COL5A2: variants seen among roughly 807,000 people sequenced by gnomAD.
The protein encoded by COL5A2 is collagen type V alpha 2 chain.
In COL5A2, 23 loss-of-function variants were observed where a neutral mutation model predicts 208.2. The observed-to-expected ratio is 0.11, with a 90% CI of 0.08 to 0.16. The LOEUF is 0.16. COL5A2 is among the 10% of genes least tolerant of loss of function. COL5A2 has a pLI of 1.00. For synonymous variants in COL5A2, 625 were observed against 628.5 expected, an observed-to-expected ratio of 0.99 and a Z score of 0.08; for missense variants, 1,590 against 1,956.4, an observed-to-expected ratio of 0.81 and a Z score of 3.53.
the COL5A2 span, among the ~76,000 whole-genome samples, chr2:189,422,105 T>C: frequency 1.3e-5 from 2 of 152,056 alleles, no homozygotes; most frequent in African/African-American, 2.4e-5. Flanking sequence ...GCAGGCATTA[T>C]CACATAGCCA....
the COL5A2 span, among the ~76,000 whole-genome samples, chr2:189,296,224 G>GA: frequency 6.6e-6 from 1 of 151,968 alleles, no homozygotes; most frequent in South Asian, 2.1e-4. Context: ...AAGGCCATCT[G>GA]AAAAAAATTT....
At chr2:189,421,664 A>G in the COL5A2 span, among the ~76,000 whole-genome samples, 1 of 152,184 alleles carries the variant, frequency 6.6e-6, no homozygotes, top group South Asian at 2.1e-4. Flanking sequence ...ACCTAGCCTC[A>G]ATGACTGCCC....
intron 1 of COL5A2, among the ~76,000 whole-genome samples, chr2:189,136,520 A>ATT (rs1687829556): frequency 6.7e-6 from 1 of 149,396 alleles, no homozygotes; most frequent in South Asian, 2.1e-4. Context: ...TTATAAATAT[A>ATT]TATGTATATA....
chr2:189,209,533 G>C (rs147109801), intron 1 of COL5A2, among the ~76,000 whole-genome samples: 1 of 152,072 alleles, frequency 6.6e-6, no homozygotes, highest in South Asian at 2.1e-4. Flanking sequence ...TTCAAGTAAT[G>C]AGCCCCAGGT....
At chr2:189,327,509 A>G in the COL5A2 span, among the ~76,000 whole-genome samples, 1 of 152,194 alleles carries the variant, frequency 6.6e-6, no homozygotes, top group East Asian at 1.9e-4. Context: ...TAACTGAAGA[A>G]GAATTAGAAG....
chr2:189,140,044 G>A (rs1480049903), intron 1 of COL5A2, among the ~76,000 whole-genome samples: 1 of 151,924 alleles, frequency 6.6e-6, no homozygotes, highest in Non-Finnish European at 1.5e-5. Context: ...CTGCACTCCA[G>A]TCTGGGCGAC....
At chr2:189,214,168 C>CA (rs1689250906) in intron 1 of COL5A2, among the ~76,000 whole-genome samples, 1 of 152,008 alleles carries the variant, frequency 6.6e-6, no homozygotes, top group Non-Finnish European at 1.5e-5. Context: ...AGCTTATATT[C>CA]ATCTATTCAG....
chr2:189,108,423 T>C (rs1687194490), intron 2 of COL5A2, among the ~76,000 whole-genome samples: 1 of 151,932 alleles, frequency 6.6e-6, no homozygotes. Flanking sequence ...AATATGTATA[T>C]ATTGCTCCAC....
intron 1 of COL5A2, among the ~76,000 whole-genome samples, chr2:189,119,990 T>C (rs1300599092): frequency 6.6e-6 from 1 of 152,134 alleles, no homozygotes; most frequent in Non-Finnish European, 1.5e-5. Context: ...AAAGATGTCA[T>C]AAAGAAGTTT....
the COL5A2 span, among the ~76,000 whole-genome samples, chr2:189,407,300 T>C: frequency 7.9e-5 from 12 of 152,134 alleles, no homozygotes; most frequent in Non-Finnish European, 1.5e-4. Flanking sequence ...TTAAAATCCC[T>C]TGCCTTGAGC....
chr2:189,130,238 T>C (rs1201304183), intron 1 of COL5A2, among the ~76,000 whole-genome samples: 1 of 152,104 alleles, frequency 6.6e-6, no homozygotes, highest in African/African-American at 2.4e-5. Flanking sequence ...CCTATGAGTA[T>C]GCTTTTAGAC....
intron 48 of COL5A2, 108 bp downstream of exon 48, chr2:189,043,043 A>G (rs924610613): frequency 3.9e-5 from 34 of 873,720 alleles, no homozygotes; most frequent in Non-Finnish European, 6.0e-5. Context: ...TGAACTGAAA[A>G]TAAGATACAA....
chr2:189,166,718 G>C (rs1369675906), intron 1 of COL5A2, among the ~76,000 whole-genome samples: 2 of 152,150 alleles, frequency 1.3e-5, no homozygotes, highest in Admixed American at 6.5e-5. Flanking sequence ...CTGGGATACT[G>C]GGGCTTTTAC....
At chr2:189,359,395 A>AT in the COL5A2 span, among the ~76,000 whole-genome samples, 1 of 152,206 alleles carries the variant, frequency 6.6e-6, no homozygotes, top group Non-Finnish European at 1.5e-5. Flanking sequence ...GCACATTTGA[A>AT]TCACCCTTGC....
Position 189,052,956 on chromosome 2 carries a change from A to G in COL5A2, c.2616T>C (p.Ala872=). 6.2e-7 allele frequency: 1 copy of G among 1,614,214 alleles called. No homozygotes were observed. The highest frequency in any genetic ancestry group is 8.5e-7 in the Non-Finnish European group (1 of 1,180,026). Residue 872 remains alanine (A), a synonymous_variant, in exon 39 of 54, where the codon GCT becomes GCC. Transcript: ENST00000374866. The part of the protein sequence containing the change: ...EPGEPGQKGD[A]GSPGPQGLAG... ...CTAAACCTTGTGGTCCAGGAGAACC[A>G]GCATCTCCCTTCTGTCCTGGCTCTC...
At chr2:189,428,164 G>C in the COL5A2 span, among the ~76,000 whole-genome samples, 3 of 152,168 alleles carry the variant, frequency 2.0e-5, no homozygotes, top group Non-Finnish European at 4.4e-5. Flanking sequence ...AGGGTGAAAT[G>C]ATATGGTTTG....
At chr2:189,361,454 C>T in the COL5A2 span, among the ~76,000 whole-genome samples, 1 of 151,944 alleles carries the variant, frequency 6.6e-6, no homozygotes, top group Non-Finnish European at 1.5e-5. Flanking sequence ...TTTCCATTTG[C>T]ATGGAATATC....
chr2:189,317,288 C>T, the COL5A2 span, among the ~76,000 whole-genome samples: 2 of 152,064 alleles, frequency 1.3e-5, no homozygotes, highest in Non-Finnish European at 1.5e-5. Context: ...AGTAATTTGA[C>T]TTATCCTGGC....
Position 189,166,893 on chromosome 2 carries a change from T to C in COL5A2, c.97+12615A>G, listed in dbSNP as rs968167171. On this transcript the variant is annotated intron_variant, in intron 1 of 53. Coordinates refer to ENST00000374866, the MANE Select transcript of COL5A2 (RefSeq NM_000393.5). ...GCATCTGGACTATATTAGCTCCCCA[T>C]GAGGCTCGGAAAGAAAAGAATGCCA... 4.6e-5 allele frequency among the ~76,000 whole-genome samples: 7 copies of C among 152,180 alleles called. 1 individual carries two copies. Among genetic ancestry groups the C allele is most frequent in the Non-Finnish European group, 7.3e-5 (5 of 68,030 alleles).
Sources: allele counts gnomAD v4.1 joint callset (sites outside exome capture counted in the v4.1 genomes callset), GRCh38; gene constraint gnomAD v4.1.1; transcripts MANE v1.5; gene names NCBI Gene and HGNC (gene_info 2026-07-23, HGNC 2026-07-21).